RINT1: variants seen among roughly 807,000 people sequenced by gnomAD.
RINT1 encodes the protein RAD50 interactor 1.
RINT1 carries 75 observed loss-of-function variants against 97.7 expected under a neutral mutation model. The observed-to-expected ratio is 0.77, with a 90% CI of 0.64 to 0.93. The LOEUF is 0.93. Ranked by LOEUF, RINT1 falls within the 40% of genes least tolerant of loss-of-function variation. The pLI, the probability that RINT1 is intolerant of heterozygous loss-of-function variation, is 0.00. For missense variants in RINT1, 892 were observed against 925.2 expected (o/e 0.96, Z 0.47); for synonymous variants, 303 against 326.3 (o/e 0.93, Z 0.77).
At chr7:105,549,746 A>T (rs1790847009) in intron 7 of RINT1, among the ~76,000 whole-genome samples, 1 of 152,178 alleles carries the variant, frequency 6.6e-6, no homozygotes, top group Non-Finnish European at 1.5e-5. Context: ...ATAGGCCATC[A>T]GTTCTTTGTA....
chr7:105,543,777 A>G (rs535540629), intron 4 of RINT1, among the ~76,000 whole-genome samples: 1 of 152,248 alleles, frequency 6.6e-6, no homozygotes, highest in South Asian at 2.1e-4. Flanking sequence ...AGAATTTTAC[A>G]TATCAATATA....
intron 14 of RINT1, among the ~76,000 whole-genome samples, chr7:105,565,983 T>G (rs1174263088): frequency 6.6e-6 from 1 of 152,074 alleles, no homozygotes; most frequent in Non-Finnish European, 1.5e-5. Context: ...TATAAGAAAT[T>G]ACAGGGCCGG....
rs551912346 is a variant in RINT1 at position 105,560,115 on chromosome 7, C to G, written c.1672-3618C>G. Reference sequence around the variant, plus strand: ...AAAGTTGTCAATTTCTGGTTTTGTTCTGAGGCAGGCTCTGGACGTGTGGCC... The same window carrying G: ...AAAGTTGTCAATTTCTGGTTTTGTTGTGAGGCAGGCTCTGGACGTGTGGCC... On this transcript the variant is annotated intron_variant, in intron 11 of 14. Coordinates refer to ENST00000257700, the MANE Select transcript of RINT1 (RefSeq NM_021930.6). 2.6e-5 allele frequency among the ~76,000 whole-genome samples: 4 copies of G among 152,286 alleles called. No homozygotes were observed. The East Asian group carries it at 7.7e-4, about 29-fold the overall frequency.
intron 3 of RINT1, among the ~76,000 whole-genome samples, chr7:105,540,607 AGGCT>A (rs1790417539): frequency 6.6e-6 from 1 of 152,086 alleles, no homozygotes; most frequent in Non-Finnish European, 1.5e-5. Flanking sequence ...CATGTTGGCT[AGGCT>A]GGTCTCGAAC....
rs561430791 is a variant in RINT1, at chr7:105,554,202, T to A, written c.1472-826T>A. Among the ~76,000 whole-genome samples, 12 of 141,870 alleles carry A rather than the reference T, an allele frequency of 8.5e-5. No homozygotes were observed. In the South Asian group the frequency reaches 2.7e-3, roughly 32 times the overall value. 93.1% of individuals were successfully genotyped at this position (141,870 alleles called of 152,430 possible). A position where few individuals can be genotyped will look rare whatever the true frequency, so the allele number is the denominator to read the frequency against. Reference sequence around the variant, plus strand: ...CGTGAGCCACTGTGCCCGGCGAATTTTTTTGTATTTCTAGTAGAGACAGGG... The same window carrying A: ...CGTGAGCCACTGTGCCCGGCGAATTATTTTGTATTTCTAGTAGAGACAGGG... On this transcript the variant is annotated intron_variant, in intron 10 of 14. Transcript: ENST00000257700.
In RINT1 at chr7:105,548,543, G is replaced by A; in HGVS notation, c.840-11G>A. On this transcript the variant is annotated splice_polypyrimidine_tract_variant and intron_variant, in intron 6 of 14. Transcript: ENST00000257700. ...GCTTTTGATTCTTTTTCCTTGACTT[G>A]ATTATGTCAGAGATGAATTACTTAC... 6.2e-7 allele frequency: 1 copy of A among 1,613,598 alleles called. No homozygotes were observed. Among genetic ancestry groups the A allele is most frequent in the Non-Finnish European group, 8.5e-7 (1 of 1,179,708 alleles).
intron 11 of RINT1, among the ~76,000 whole-genome samples, chr7:105,563,159 C>T (rs1319098226): frequency 6.6e-6 from 1 of 152,136 alleles, no homozygotes; most frequent in Non-Finnish European, 1.5e-5. Context: ...CAGTCACAAC[C>T]AACCATACGT....
At chr7:105,548,771 C>G (rs941129489) in intron 7 of RINT1, 61 bp downstream of exon 7, 13 of 1,464,806 alleles carry the variant, frequency 8.9e-6, no homozygotes, top group Middle Eastern at 1.8e-4. Context: ...AGTTTCTATA[C>G]CTTTGCTGGT....
rs771302691 is a variant in RINT1, at chr7:105,542,522, GC to G, written c.390del (p.Ile131LeufsTer6). Reference protein sequence around the residue: ...FLEQETHLFSAINSHLLTAQP... With the variant: ...FLEQETHLFSXINSHLLTAQP... ...GGAGCAGGAAACTCATCTCTTCAGC[GC>G]CATTAACAGCCATTTGCTGACTGCG... On this transcript the variant is annotated frameshift_variant, in exon 4 of 15. Transcript: ENST00000257700. LOFTEE classifies it high-confidence loss of function. 1.2e-6 allele frequency: 2 copies of G among 1,614,096 alleles called. No homozygotes were observed. The highest frequency in any genetic ancestry group is 3.3e-5 in the Admixed American group (2 of 60,006).
chr7:105,547,405 A>C, intron 6 of RINT1, 72 bp downstream of exon 6: 1 of 1,507,114 alleles, frequency 6.6e-7, no homozygotes, highest in South Asian at 1.2e-5. Context: ...AGAGAGTAAA[A>C]CTTTTTCAAA....
At position 105,563,796 on chromosome 7, in the gene RINT1, T is replaced by C. The variant is rs1791557285; in HGVS notation, c.1735T>C (p.Leu579=). The change falls in exon 12 of 15, where the codon TTG becomes CTG. Residue 579 remains leucine (L), a synonymous_variant. Coordinates refer to ENST00000257700, the MANE Select transcript of RINT1 (RefSeq NM_021930.6). ...VFAENNTLSK[L]QLGQLASMES... is the part of the protein sequence containing the mutation. ...TGCAGAGAATAATACTCTGAGTAAA[T>C]TGCAGCTAGGACAGCTAGCCTCTAT... 6.2e-7 allele frequency: 1 copy of C among 1,614,078 alleles called. No homozygotes were observed. The highest frequency in any genetic ancestry group is 1.3e-5 in the African/African-American group (1 of 74,936).
intron 3 of RINT1, 93 bp from the exon 4 acceptor site, chr7:105,542,315 A>G (rs920375471): frequency 1.1e-6 from 1 of 936,972 alleles, no homozygotes; most frequent in Non-Finnish European, 1.6e-6. Context: ...AGCCTGGGCA[A>G]CAGCGTGAGA....
At chr7:105,545,803 C>T (rs1016728912) in intron 4 of RINT1, among the ~76,000 whole-genome samples, 5 of 138,950 alleles carry the variant, frequency 3.6e-5, no homozygotes, top group Admixed American at 7.3e-5. Flanking sequence ...GAGGCCACCA[C>T]GCCTGGCCTC....
At chr7:105,561,400 C>T (rs1006796012) in intron 11 of RINT1, among the ~76,000 whole-genome samples, 20 of 151,790 alleles carry the variant, frequency 1.3e-4, no homozygotes, top group African/African-American at 3.9e-4. Context: ...TGGTGGTGCT[C>T]GCCTGTAGTC....
In RINT1 at chr7:105,546,195, C is replaced by T. The variant is rs945445097; in HGVS notation, c.516-715C>T. Among the ~76,000 whole-genome samples, 3 of 152,136 alleles carry T rather than the reference C, an allele frequency of 2.0e-5. No individual in the cohort carries two copies. In the East Asian group the frequency reaches 5.8e-4, roughly 29 times the overall value. The stretch of plus-strand genomic sequence containing the variant: ...GGCAAAGTATGTAACAATTGAAGAC[C>T]ATCATACTTGACTTTACCAGATACT... On this transcript the variant is annotated intron_variant, in intron 4 of 14. Coordinates refer to ENST00000257700, the MANE Select transcript of RINT1 (RefSeq NM_021930.6).
chr7:105,538,167 A>G (rs1790321147), intron 3 of RINT1, among the ~76,000 whole-genome samples: 1 of 151,744 alleles, frequency 6.6e-6, no homozygotes, highest in Non-Finnish European at 1.5e-5. Flanking sequence ...TAATTTTGGT[A>G]TTTTTAGTAG....
rs750920467 is a variant in RINT1 at position 105,551,621 on chromosome 7, C to G, written c.1385C>G (p.Ser462Trp). Residue 462 changes from serine (S) to tryptophan (W), a missense_variant, in exon 10 of 15, where the codon TCG becomes TGG. By Grantham distance (177) the Ser-to-Trp change is radical (BLOSUM62 -3). Coordinates refer to ENST00000257700, the MANE Select transcript of RINT1 (RefSeq NM_021930.6). ...SMLSSEAAWV[S>W]QYKDITDVDE... is the part of the protein sequence containing the mutation. ...CTTTCCTCAGAAGCTGCCTGGGTATCGCAATATAAGGATATCACTGACGTG... is the reference window on the plus strand; with the variant it reads ...CTTTCCTCAGAAGCTGCCTGGGTATGGCAATATAAGGATATCACTGACGTG... The G allele has an allele frequency of 6.2e-7, 1 of 1,609,888 alleles. No homozygotes were observed. The highest frequency in any genetic ancestry group is 1.1e-5 in the South Asian group (1 of 90,368).
chr7:105,540,121 C>T (rs989862039), intron 3 of RINT1, among the ~76,000 whole-genome samples: 1 of 151,060 alleles, frequency 6.6e-6, no homozygotes, highest in Non-Finnish European at 1.5e-5. Context: ...CTCTGTCGCC[C>T]AGGCTGGAGT....
chr7:105,544,259 A>C (rs191819397), intron 4 of RINT1, among the ~76,000 whole-genome samples: 84 of 152,282 alleles, frequency 5.5e-4, no homozygotes, highest in African/African-American at 1.9e-3. Flanking sequence ...CTTGTCCCTC[A>C]GAAAGGAAAT....
Sources: gnomAD v4.1 joint callset for allele counts (sites outside exome capture counted in the v4.1 genomes callset) on GRCh38, gnomAD v4.1.1 for gene constraint, MANE v1.5 for transcripts, NCBI Gene and HGNC (gene_info 2026-07-23, HGNC 2026-07-21) for gene names.